Variants in BEST3 observed in about 807,000 individuals in gnomAD.
BEST3 encodes bestrophin 3, also known as bestrophin-3.
In BEST3, 50 loss-of-function variants were observed where a neutral mutation model predicts 47.1. That is an observed-to-expected ratio of 1.06 (90% CI 0.85 to 1.34). The LOEUF (loss-of-function observed/expected upper bound fraction) is 1.34. Ranked by LOEUF, BEST3 falls within the 40% of genes most tolerant of loss-of-function variation. The pLI, the probability that BEST3 is intolerant of heterozygous loss-of-function variation, is 0.00. For missense variants in BEST3, 765 were observed against 817.0 expected, an observed-to-expected ratio of 0.94 and a Z score of 0.78; for synonymous variants, 282 against 298.8, an observed-to-expected ratio of 0.94 and a Z score of 0.58.
chr12:69,658,838 C>T (rs1383455668), intron 9 of BEST3, among the ~76,000 whole-genome samples: 2 of 152,120 alleles, frequency 1.3e-5, no homozygotes, highest in East Asian at 3.9e-4. Context: ...CAGGCCTAGG[C>T]TGGAAAGAGG....
downstream of BEST3, among the ~76,000 whole-genome samples, chr12:69,650,455 C>T (rs1035630568): frequency 3.9e-5 from 6 of 152,112 alleles, no homozygotes. Context: ...TGAGGAAATC[C>T]TTGGTTGTTA....
intron 4 of BEST3, among the ~76,000 whole-genome samples, chr12:69,680,326 T>TTTTTTTTTTTTTTTTTTTA (rs1555207061): frequency 6.9e-6 from 1 of 145,018 alleles, no homozygotes; most frequent in African/African-American, 2.6e-5. Context: ...TTTTTTTTTT[T>TTTTTTTTTTTTTTTTTTTA]TAGATGGAGT....
intron 7 of BEST3, among the ~76,000 whole-genome samples, chr12:69,676,195 TTGTTTCTGG>T (rs1287229427): frequency 2.0e-5 from 3 of 152,176 alleles, no homozygotes; most frequent in Non-Finnish European, 4.4e-5. Context: ...GATGTTGTCA[TTGTTTCTGG>T]TGTTTCTGGT....
At chr12:69,666,676 G>A (rs954145860) in intron 9 of BEST3, among the ~76,000 whole-genome samples, 4 of 152,072 alleles carry the variant, frequency 2.6e-5, no homozygotes, top group African/African-American at 9.6e-5. Flanking sequence ...CCACTCTTTG[G>A]TTCTACGTAC....
chr12:69,679,136 G>T (rs775490), intron 4 of BEST3, among the ~76,000 whole-genome samples: 68,348 of 152,012 alleles, frequency 0.45, 16,068 homozygotes, highest in Admixed American at 0.58. Context: ...CCTGATAGAG[G>T]AGGCCATTAG....
At chr12:69,692,232 G>A (rs962053412) in intron 4 of BEST3, among the ~76,000 whole-genome samples, 7 of 152,108 alleles carry the variant, frequency 4.6e-5, no homozygotes, top group African/African-American at 1.2e-4. Context: ...AACAAAATCC[G>A]AAAATATCTA....
At chr12:69,669,597 T>A (rs570372171) in intron 9 of BEST3, 2 of 152,362 alleles carry the variant, frequency 1.3e-5, no homozygotes, top group East Asian at 3.9e-4. Flanking sequence ...CTTTCTCTGC[T>A]TCAGTTTGAC....
At chr12:69,659,130 T>C (rs1883710188) in intron 9 of BEST3, among the ~76,000 whole-genome samples, 1 of 152,170 alleles carries the variant, frequency 6.6e-6, no homozygotes, top group Non-Finnish European at 1.5e-5. Flanking sequence ...TTTAAGTATC[T>C]TACACTGAGT....
At chr12:69,643,574 G>A (rs572090738) in exon 10 of BEST3, 25 of 534,228 alleles carry the variant, frequency 4.7e-5, no homozygotes, top group South Asian at 4.5e-4. Flanking sequence ...CATTTCTTAG[G>A]AACTCCACAT....
At chr12:69,690,498 A>G (rs538108003) in intron 4 of BEST3, among the ~76,000 whole-genome samples, 1 of 152,298 alleles carries the variant, frequency 6.6e-6, no homozygotes, top group Admixed American at 6.5e-5. Context: ...GTCTGACCAG[A>G]GGCCCCAGAG....
At chr12:69,649,208 G>A (rs1199966405), downstream of BEST3, among the ~76,000 whole-genome samples, 5 of 152,216 alleles carry the variant, frequency 3.3e-5, no homozygotes, top group Non-Finnish European at 7.3e-5. Context: ...ATGTTAGCCA[G>A]GCTAGTCTCA....
chr12:69,679,304 G>A (rs781335121), intron 4 of BEST3, among the ~76,000 whole-genome samples: 2 of 152,168 alleles, frequency 1.3e-5, no homozygotes, highest in African/African-American at 2.4e-5. Context: ...GCATAGTGCC[G>A]AACACATGAC....
In BEST3 at chr12:69,655,725, G is replaced by A. The variant is rs924045625; in HGVS notation, c.1189C>T (p.Arg397Trp). 14 of 1,613,778 alleles carry A rather than the reference G, an allele frequency of 8.7e-6. No individual in the cohort carries two copies. Among genetic ancestry groups the A allele is most frequent in the Admixed American group, 5.0e-5 (3 of 59,980 alleles). Reference protein sequence around the residue: ...HRHSMIRRVKRFLSAHEHPSS... With the variant: ...HRHSMIRRVKWFLSAHEHPSS... ...GGGTGTTCGTGGGCACTCAGGAACC[G>A]CTTGACTCTTCTTATCATGGAATGC... Residue 397 changes from arginine (R) to tryptophan (W), a missense_variant, in exon 10 of 10, where the codon CGG (arginine) becomes TGG (tryptophan). Physicochemically the swap from Arg to Trp is moderately radical, Grantham distance 101. Transcript: ENST00000330891.
intron 9 of BEST3, among the ~76,000 whole-genome samples, chr12:69,656,865 T>C (rs372131084): frequency 1.4e-4 from 22 of 152,196 alleles, no homozygotes; most frequent in African/African-American, 5.1e-4. Flanking sequence ...CAGTCCTTGC[T>C]CAGAGGTAAT....
chr12:69,694,957 G>T (rs1886078020), intron 2 of BEST3, among the ~76,000 whole-genome samples: 1 of 151,968 alleles, frequency 6.6e-6, no homozygotes, highest in Non-Finnish European at 1.5e-5. Context: ...CCCTTCAAGG[G>T]ATATTATAAC....
Position 69,677,144 on chromosome 12 carries a change from G to A in BEST3, c.714+36C>T, listed in dbSNP as rs1344525011. ...GAAGCTACAGTGCCAAGGTAGGCAA[G>A]TAGAAATAAAGAATTCCATGAAAAG... is the stretch of plus-strand genomic sequence containing the variant. On this transcript the variant is annotated intron_variant, in intron 6 of 9. Coordinates refer to ENST00000330891, the MANE Select transcript of BEST3 (RefSeq NM_032735.3). 1.9e-6 allele frequency: 3 copies of A among 1,613,444 alleles called. No homozygotes were observed. The Admixed American group carries it at 5.0e-5, about 27-fold the overall frequency.
rs775229043 is a variant in BEST3, at chr12:69,697,695, TC to T, written c.103del (p.Glu35AsnfsTer12). ...ATAAAGAACAGCAAAAACAATAAAT[TC>T]CCTGTACAGTAGTTTGTAGATGCTG... Reference protein sequence around the residue: ...RGSIYKLLYREFIVFAVLYTA... With the variant: ...RGSIYKLLYRXFIVFAVLYTA... On this transcript the variant is annotated frameshift_variant, in exon 2 of 10. Transcript: ENST00000330891. LOFTEE classifies it high-confidence loss of function. 1.9e-6 allele frequency: 3 copies of T among 1,610,810 alleles called. No homozygotes were observed. The highest frequency in any genetic ancestry group is 2.5e-6 in the Non-Finnish European group (3 of 1,178,692).
In BEST3 at chr12:69,655,724, C is replaced by T. The variant is rs756698970; in HGVS notation, c.1190G>A (p.Arg397Gln). 36 of 1,613,772 alleles carry T rather than the reference C, an allele frequency of 2.2e-5. No homozygotes were observed. The Admixed American group carries it at 3.5e-4, about 16-fold the overall frequency. Reference sequence around the variant, plus strand: ...GGGGTGTTCGTGGGCACTCAGGAACCGCTTGACTCTTCTTATCATGGAATG... The same window carrying T: ...GGGGTGTTCGTGGGCACTCAGGAACTGCTTGACTCTTCTTATCATGGAATG... ...HRHSMIRRVK[R>Q]FLSAHEHPSS... The change falls in exon 10 of 10, where the codon CGG (arginine) becomes CAG (glutamine). Residue 397 changes from arginine to glutamine, a missense_variant. Coordinates refer to ENST00000330891, the MANE Select transcript of BEST3 (RefSeq NM_032735.3).
At chr12:69,686,796 A>AAGAG (rs1885639029) in intron 4 of BEST3, among the ~76,000 whole-genome samples, 1 of 140,244 alleles carries the variant, frequency 7.1e-6, no homozygotes, top group African/African-American at 2.6e-5. Flanking sequence ...AAAAGAAAGA[A>AAGAG]AAGAAAAAAA....
Sources: allele counts gnomAD v4.1 joint callset (sites outside exome capture counted in the v4.1 genomes callset), GRCh38; gene constraint gnomAD v4.1.1; transcripts MANE v1.5; gene names NCBI Gene and HGNC (gene_info 2026-07-23, HGNC 2026-07-21).